ZNF318: variants seen among roughly 807,000 people sequenced by gnomAD.
The protein encoded by ZNF318 is zinc finger protein 318, also known as endocrine regulator.
ZNF318 carries 51 observed loss-of-function variants against 124.2 expected under a neutral mutation model. That is an observed-to-expected ratio of 0.41 (90% CI 0.33 to 0.52). The LOEUF is 0.52. Ranked by LOEUF, ZNF318 falls within the 20% of genes least tolerant of loss-of-function variation. The pLI is 0.23. For missense variants in ZNF318, 2,815 were observed against 2,811.2 expected (o/e 1.00, Z -0.03); for synonymous variants, 1,090 against 1,040.7 (o/e 1.05, Z -0.91).
At chr6:43,359,776 A>G (rs1779657525) in intron 2 of ZNF318, among the ~76,000 whole-genome samples, 1 of 152,208 alleles carries the variant, frequency 6.6e-6, no homozygotes, top group Non-Finnish European at 1.5e-5. Context: ...AACTTTATTT[A>G]CCTTCTCTAA....
Position 43,357,283 on chromosome 6 carries a change from CCAT to C in ZNF318, c.1028_1030del (p.Asp343del), listed in dbSNP as rs779416334. 4.2e-5 allele frequency: 68 copies of C among 1,614,096 alleles called. No individual in the cohort carries two copies. The highest frequency in any genetic ancestry group is 8.3e-5 in the Admixed American group (5 of 60,014). Reference sequence around the variant, plus strand: ...AGGGATGGAACAGCCAGTACCACCACCATCAACTCCAACCAGCTCCTGACTCAA... The same window carrying C: ...AGGGATGGAACAGCCAGTACCACCACCAACTCCAACCAGCTCCTGACTCAA... On this transcript the variant is annotated inframe_deletion, in exon 3 of 10. Transcript: ENST00000361428.
At position 43,337,469 on chromosome 6, in the gene ZNF318, T is replaced by A. The variant is rs2150747730; in HGVS notation, c.6529A>T (p.Thr2177Ser). 1 of 1,614,198 alleles carries A rather than the reference T, an allele frequency of 6.2e-7. No individual in the cohort carries two copies. The change falls in exon 10 of 10, where the codon ACA becomes TCA. Residue 2177 changes from threonine to serine, a missense_variant. Transcript: ENST00000361428. ...PCLPDLVDFV[T>S]RTSGVQKDKL... is the part of the protein sequence containing the mutation. The stretch of plus-strand genomic sequence containing the variant: ...TCTTTTTGAACTCCAGAGGTCCGTG[T>A]GACAAAGTCAACAAGGTCTGGAAGG...
At chr6:43,340,699 A>G (rs1373726487) in intron 9 of ZNF318, 91 bp downstream of exon 9, 7 of 1,535,850 alleles carry the variant, frequency 4.6e-6, no homozygotes, top group East Asian at 2.2e-5. Context: ...TGAAGTGTCA[A>G]TGGCTTTTTC....
chr6:43,368,608 G>A, intron 1 of ZNF318: 1 of 950,680 alleles, frequency 1.1e-6, no homozygotes, highest in Non-Finnish European at 1.3e-6. Context: ...GTAAGGGGAT[G>A]AAAAGTACGG....
intron 1 of ZNF318, 131 bp downstream of exon 1, chr6:43,368,836 T>A: frequency 4.9e-6 from 6 of 1,233,766 alleles, no homozygotes; most frequent in Non-Finnish European, 6.1e-6. Flanking sequence ...AGGCTCGGCA[T>A]CCCCGAGGGA....
In ZNF318 at chr6:43,339,900, T is replaced by C; in HGVS notation, c.4098A>G (p.Thr1366=). The C allele has an allele frequency of 6.2e-7, 1 of 1,614,148 alleles. No individual in the cohort carries two copies. The highest frequency in any genetic ancestry group is 8.5e-7 in the Non-Finnish European group (1 of 1,180,024). The change falls in exon 10 of 10, where the codon ACA becomes ACG. Residue 1366 remains threonine (T), a synonymous_variant. Coordinates refer to ENST00000361428, the MANE Select transcript of ZNF318 (RefSeq NM_014345.3). This position sits in a 1 kb window ranked among gnomAD's most constrained non-coding sequence, Gnocchi z 4.2. The part of the protein sequence containing the change: ...STVLRKSCSA[T]MSKPAPLNTF... ...TGTTAAGAGGAGCTGGCTTGCTCAT[T>C]GTGGCTGAACATGACTTGCGGAGTA...
rs1768947555 is a variant in ZNF318 at position 43,339,745 on chromosome 6, T to A, written c.4253A>T (p.Lys1418Ile). 8 of 1,614,098 alleles carry A rather than the reference T, an allele frequency of 5.0e-6. No homozygotes were observed. The highest frequency in any genetic ancestry group is 6.8e-6 in the Non-Finnish European group (8 of 1,179,998). The stretch of plus-strand genomic sequence containing the variant: ...CACCACTTTTTCCTCTGGAGACCCT[T>A]TTAGAATCACCTCTTCCCCTCCAAA... Reference protein sequence around the residue: ...KAFGGEEVILKGSPEEKVVLA... With the variant: ...KAFGGEEVILIGSPEEKVVLA... The change falls in exon 10 of 10, where the codon AAA (lysine) becomes ATA (isoleucine). Residue 1418 changes from lysine to isoleucine, a missense_variant. Lys to Ile is a moderately radical substitution (Grantham distance 102). Transcript: ENST00000361428. The surrounding 1 kb of genome is among the most constrained non-coding windows in gnomAD (Gnocchi z 4.2).
intron 3 of ZNF318, 130 bp downstream of exon 3, chr6:43,356,996 G>A (rs1021286665): frequency 9.1e-7 from 1 of 1,095,206 alleles, no homozygotes; most frequent in Admixed American, 2.7e-5. Context: ...GTCCTAGAAG[G>A]TGTAGCTCAC....
chr6:43,369,282 G>A lies in ZNF318; in HGVS notation c.84C>T (p.Ser28=), dbSNP rs1376410081. The A allele has an allele frequency of 1.5e-6, 2 of 1,332,612 alleles. No homozygotes were observed. The highest frequency in any genetic ancestry group is 3.4e-5 in the East Asian group (1 of 29,530). 82.5% of individuals were successfully genotyped at this position (1,332,612 alleles called of 1,614,324 possible). The change falls in exon 1 of 10, where the codon AGC becomes AGT. Residue 28 remains serine (S), a synonymous_variant. Transcript: ENST00000361428. ...DGGGGPRSGR[S]SGSSSGPARR... Reference sequence around the variant, plus strand: ...GAGCCGGGCCTGAGGAGGAGCCAGAGCTGCGGCCGCTGCGCGGGCCGCCCC... The same window carrying A: ...GAGCCGGGCCTGAGGAGGAGCCAGAACTGCGGCCGCTGCGCGGGCCGCCCC...
rs1283061547 is a variant in ZNF318, at chr6:43,338,502, G to C, written c.5496C>G (p.Asp1832Glu). The C allele has an allele frequency of 6.2e-7, 1 of 1,614,130 alleles. No homozygotes were observed. The highest frequency in any genetic ancestry group is 8.5e-7 in the Non-Finnish European group (1 of 1,180,028). Residue 1832 changes from aspartate to glutamate, a missense_variant, in exon 10 of 10, where the codon GAC (aspartate) becomes GAG (glutamate). Transcript: ENST00000361428. ...ATTTATTGGACTGTTCAGCCTCTTT[G>C]TCAATCATTAGCAAGTTGGGCTGTT... The part of the protein sequence containing the change: ...EVKQPNLLMI[D>E]KEAEQSNKLM...
At chr6:43,348,139 C>T (rs900572781) in intron 6 of ZNF318, among the ~76,000 whole-genome samples, 185 bp downstream of exon 6, 34 of 152,146 alleles carry the variant, frequency 2.2e-4, no homozygotes, top group Non-Finnish European at 4.4e-4. Flanking sequence ...ATTTAGGATT[C>T]TTTGTGGGCA....
At chr6:43,354,547 C>G (rs1779576582) in intron 4 of ZNF318, 117 bp downstream of exon 4, 1 of 889,526 alleles carries the variant, frequency 1.1e-6, no homozygotes, top group Non-Finnish European at 1.7e-6. Context: ...TGACAGCAGC[C>G]TCCAGACGAC....
In ZNF318 at chr6:43,342,811, G is replaced by C. The variant is rs750143835; in HGVS notation, c.3141C>G (p.Ala1047=). ...CAGTGGGCTGATCCAACTGCTTAGT[G>C]GCTGACTGGGGGCTTTCGGCAGGCT... ...SPKPAESPQS[A]TKQLDQPTAA... Residue 1047 remains alanine, a synonymous_variant, in exon 7 of 10, where the codon GCC becomes GCG. Transcript: ENST00000361428. 6.2e-7 allele frequency: 1 copy of C among 1,613,982 alleles called. No homozygotes were observed. Among genetic ancestry groups the C allele is most frequent in the African/African-American group, 1.3e-5 (1 of 74,878 alleles).
chr6:43,345,639 T>G (rs1234833515), intron 6 of ZNF318, among the ~76,000 whole-genome samples: 1 of 152,164 alleles, frequency 6.6e-6, no homozygotes, highest in Non-Finnish European at 1.5e-5. Flanking sequence ...TATAAAAGAC[T>G]AGGCCTACCT....
rs1779802483 is a variant in ZNF318, at chr6:43,369,203, G to C, written c.163C>G (p.Arg55Gly). 1.7e-6 allele frequency: 2 copies of C among 1,211,224 alleles called. No homozygotes were observed. Among genetic ancestry groups the C allele is most frequent in the Non-Finnish European group, 2.0e-6 (2 of 976,322 alleles). The allele number at this position is 1,211,224 out of a possible 1,614,324, so 75.0% of individuals were successfully genotyped here. A position where few individuals can be genotyped will look rare whatever the true frequency, so the allele number is the denominator to read the frequency against. The change falls in exon 1 of 10, where the codon CGC (arginine) becomes GGC (glycine). Residue 55 changes from arginine (R) to glycine (G), a missense_variant. Arg to Gly is a moderately radical substitution (Grantham distance 125). This residue lies in a region of ZNF318 where 1,377 missense variants were observed against 1,353.5 expected (regional missense o/e 1.02). Coordinates refer to ENST00000361428, the MANE Select transcript of ZNF318 (RefSeq NM_014345.3). ...TGCCCTGAGGGCGAGCGGGGTCGGC[G>C]AGCCGGGGTCCGCGACGAGGAGCCG... ...PSGSSSRTPA[R>G]RPRSPSGHRG... is the part of the protein sequence containing the mutation.
Position 43,340,863 on chromosome 6 carries a change from C to T in ZNF318, c.3422G>A (p.Cys1141Tyr), listed in dbSNP as rs767801557. The T allele has an allele frequency of 1.2e-6, 2 of 1,614,174 alleles. No homozygotes were observed. ...AATTGGATCCCCCAAAAATTCCTCA[C>T]AGAGCTGGCAATAAAATCCACTGAT... ...VPISGFYCQL[C>Y]EEFLGDPISG... The change falls in exon 9 of 10, where the codon TGT becomes TAT. Residue 1141 changes from cysteine to tyrosine, a missense_variant. Transcript: ENST00000361428.
chr6:43,339,928 G>A lies in ZNF318; in HGVS notation c.4070C>T (p.Thr1357Ile), dbSNP rs755991932. 4 of 1,614,172 alleles carry A rather than the reference G, an allele frequency of 2.5e-6. No individual in the cohort carries two copies. The highest frequency in any genetic ancestry group is 3.4e-6 in the Non-Finnish European group (4 of 1,180,022). ...GGCTGAACATGACTTGCGGAGTACT[G>A]TGGATGGAATAGGCAGGTTGGGTCG... is the stretch of plus-strand genomic sequence containing the variant. The part of the protein sequence containing the change: ...KIRPNLPIPS[T>I]VLRKSCSATM... The change falls in exon 10 of 10, where the codon ACA (threonine) becomes ATA (isoleucine). Residue 1357 changes from threonine to isoleucine, a missense_variant. By Grantham distance (89) the Thr-to-Ile change is moderately conservative. This residue lies in a region of ZNF318 where 500 missense variants were observed against 605.2 expected (regional missense o/e 0.83). Coordinates refer to ENST00000361428, the MANE Select transcript of ZNF318 (RefSeq NM_014345.3). This position sits in a 1 kb window ranked among gnomAD's most constrained non-coding sequence, Gnocchi z 4.2.
chr6:43,342,851 C>A lies in ZNF318; in HGVS notation c.3101G>T (p.Arg1034Leu), dbSNP rs571458976. ...KESKVNNEKFRTKSPKPAESP... is the reference protein window; with the variant it reads ...KESKVNNEKFLTKSPKPAESP... ...TTCGGCAGGCTTGGGGCTCTTAGTACGAAACTTCTCATTGTTTACTTTTGA... is the reference window on the plus strand; with the variant it reads ...TTCGGCAGGCTTGGGGCTCTTAGTAAGAAACTTCTCATTGTTTACTTTTGA... Residue 1034 changes from arginine (R) to leucine (L), a missense_variant, in exon 7 of 10, where the codon CGT (arginine) becomes CTT (leucine). Physicochemically the swap from Arg to Leu is moderately radical, Grantham distance 102. Coordinates refer to ENST00000361428, the MANE Select transcript of ZNF318 (RefSeq NM_014345.3). 14 of 1,612,520 alleles carry A rather than the reference C, an allele frequency of 8.7e-6. No homozygotes were observed. In the African/African-American group the frequency reaches 1.7e-4, roughly 20 times the overall value.
chr6:43,351,501 C>CT (rs1187155405), intron 5 of ZNF318, among the ~76,000 whole-genome samples: 1 of 152,160 alleles, frequency 6.6e-6, no homozygotes, highest in Non-Finnish European at 1.5e-5. Flanking sequence ...TGACTCATGC[C>CT]TGTAATCTCA....
Sources: gnomAD v4.1 joint callset for allele counts (sites outside exome capture counted in the v4.1 genomes callset) on GRCh38, gnomAD v4.1.1 for gene constraint, gnomAD v4.1.1 regional missense constraint, Gnocchi (gnomAD v3.1) non-coding constraint, MANE v1.5 for transcripts, NCBI Gene and HGNC (gene_info 2026-07-23, HGNC 2026-07-21) for gene names.